Variants in GOLGA5 observed in about 807,000 individuals in gnomAD.
GOLGA5 encodes the protein golgin subfamily A member 5.
In GOLGA5, 50 loss-of-function variants were observed where a neutral mutation model predicts 93.5. That is an observed-to-expected ratio of 0.53 (90% CI 0.43 to 0.68). The LOEUF is 0.68. GOLGA5 is among the 30% of genes least tolerant of loss of function. GOLGA5 has a pLI of 0.00. For missense variants in GOLGA5, 760 were observed against 856.4 expected (o/e 0.89, Z 1.40); for synonymous variants, 312 against 304.5 (o/e 1.02, Z -0.26).
Position 92,835,664 on chromosome 14 carries a change from G to C in GOLGA5, c.2051G>C (p.Ser684Thr). The change falls in exon 11 of 13, where the codon AGT becomes ACT. Residue 684 changes from serine (S) to threonine (T), a missense_variant and splice_region_variant. Ser to Thr is a moderately conservative substitution (Grantham distance 58). Transcript: ENST00000163416. ...RKAASSIDQF[S>T]IRLGIFLRRY... ...GCTGCTAGTTCAATTGATCAGTTTAGGTAAGCAATGCCAGTAGGGATGAGT... is the reference window on the plus strand; with the variant it reads ...GCTGCTAGTTCAATTGATCAGTTTACGTAAGCAATGCCAGTAGGGATGAGT... The C allele has an allele frequency of 4.4e-6, 7 of 1,577,442 alleles. No individual in the cohort carries two copies. The highest frequency in any genetic ancestry group is 6.1e-6 in the Non-Finnish European group (7 of 1,146,788).
chr14:92,828,567 T>C (rs1394434664), intron 9 of GOLGA5, among the ~76,000 whole-genome samples: 2 of 152,222 alleles, frequency 1.3e-5, no homozygotes, highest in African/African-American at 4.8e-5. Context: ...TTTTGTTTCA[T>C]CCATTGTTTA....
At chr14:92,826,959 A>G (rs1447381234) in intron 9 of GOLGA5, among the ~76,000 whole-genome samples, 1 of 152,202 alleles carries the variant, frequency 6.6e-6, no homozygotes. Context: ...ATTGCTATTC[A>G]TAAAAATTAA....
At chr14:92,820,817 A>T (rs9323881) in intron 8 of GOLGA5, among the ~76,000 whole-genome samples, 2,361 of 152,302 alleles carry the variant, frequency 0.016, 54 homozygotes, top group African/African-American at 0.05. Flanking sequence ...TTGATTCCAT[A>T]CAACACATGT....
chr14:92,834,570 C>T lies in GOLGA5; in HGVS notation c.1946-989C>T, dbSNP rs866651323. ...GCAGGCACAAAGGCCTTGAGGCAGG[C>T]ATGTTCCTGGCATATTTCAGGAACA... On this transcript the variant is annotated intron_variant, in intron 10 of 12. Coordinates refer to ENST00000163416, the MANE Select transcript of GOLGA5 (RefSeq NM_005113.4). 5.3e-5 allele frequency among the ~76,000 whole-genome samples: 8 copies of T among 152,350 alleles called. No individual in the cohort carries two copies. In the South Asian group the frequency reaches 1.7e-3, roughly 32 times the overall value.
intron 2 of GOLGA5, among the ~76,000 whole-genome samples, chr14:92,800,059 A>G (rs1157901176): frequency 2.6e-5 from 4 of 152,238 alleles, no homozygotes; most frequent in African/African-American, 9.6e-5. Context: ...GGTTGTGAAA[A>G]TAGGATCAGG....
At chr14:92,812,056 T>G (rs1885114427) in intron 6 of GOLGA5, among the ~76,000 whole-genome samples, 2 of 152,216 alleles carry the variant, frequency 1.3e-5, no homozygotes, top group South Asian at 4.1e-4. Flanking sequence ...CTTGTTGATC[T>G]CCTATTGAAT....
intron 9 of GOLGA5, among the ~76,000 whole-genome samples, chr14:92,826,369 T>G (rs1885422341): frequency 6.6e-6 from 1 of 152,158 alleles, no homozygotes. Flanking sequence ...GCTTATTATT[T>G]TTGGGCTTTC....
chr14:92,797,619 C>A lies in GOLGA5; in HGVS notation c.182C>A (p.Thr61Lys), dbSNP rs111348610. 1.7e-5 allele frequency: 27 copies of A among 1,612,884 alleles called. No individual in the cohort carries two copies. Among genetic ancestry groups the A allele is most frequent in the African/African-American group, 1.1e-4 (8 of 75,020 alleles). ...ATATATCAGACTGGACCTAAATCTA[C>A]GTATATTTCATCAGCAGCTGATAAC... Reference protein sequence around the residue: ...DLIYQTGPKSTYISSAADNIR... With the variant: ...DLIYQTGPKSKYISSAADNIR... Residue 61 changes from threonine (T) to lysine (K), a missense_variant, in exon 2 of 13, where the codon ACG becomes AAG. Thr to Lys is a moderately conservative substitution (Grantham distance 78). Coordinates refer to ENST00000163416, the MANE Select transcript of GOLGA5 (RefSeq NM_005113.4).
At chr14:92,804,236 A>T (rs1490355784) in intron 2 of GOLGA5, among the ~76,000 whole-genome samples, 1 of 151,864 alleles carries the variant, frequency 6.6e-6, no homozygotes, top group Non-Finnish European at 1.5e-5. Flanking sequence ...TATATTATTT[A>T]AAAATTTTTT....
intron 1 of GOLGA5, among the ~76,000 whole-genome samples, chr14:92,796,615 G>A (rs1462959707): frequency 6.6e-6 from 1 of 152,028 alleles, no homozygotes; most frequent in Non-Finnish European, 1.5e-5. Context: ...CTGGGGGTTA[G>A]GACTTAAATA....
chr14:92,805,956 GAC>G (rs1193915319), intron 2 of GOLGA5, among the ~76,000 whole-genome samples: 1 of 139,888 alleles, frequency 7.1e-6, no homozygotes, highest in Admixed American at 7.4e-5. Flanking sequence ...CTTTGGGTAA[GAC>G]ATGTTAGATT....
At chr14:92,824,114 A>G (rs8018703) in intron 8 of GOLGA5, among the ~76,000 whole-genome samples, 18,088 of 152,104 alleles carry the variant, frequency 0.12, 1,462 homozygotes, top group Middle Eastern at 0.18. Context: ...GCCTATTTTT[A>G]AAATGTTCCT....
intron 2 of GOLGA5, 52 bp downstream of exon 2, chr14:92,798,033 C>A: frequency 8.7e-7 from 1 of 1,144,062 alleles, no homozygotes; most frequent in South Asian, 1.5e-5. Context: ...TTGAATGTGT[C>A]ATCATATGAT....
rs150641129 is a variant in GOLGA5, at chr14:92,806,931, C to T, written c.740C>T (p.Ser247Leu). Residue 247 changes from serine to leucine, a missense_variant, in exon 3 of 13, where the codon TCG (serine) becomes TTG (leucine). Physicochemically the swap from Ser to Leu is moderately radical, Grantham distance 145. Coordinates refer to ENST00000163416, the MANE Select transcript of GOLGA5 (RefSeq NM_005113.4). ...EVQSLNQEMA[S>L]LLQRSKETQE... is the part of the protein sequence containing the mutation. ...CAGTCTTTAAATCAAGAAATGGCCT[C>T]GTTACTCCAAAGATCCAAAGAGACT... 2.6e-5 allele frequency: 42 copies of T among 1,609,344 alleles called. No individual in the cohort carries two copies. In the South Asian group the frequency reaches 2.6e-4, roughly 10 times the overall value.
chr14:92,831,036 G>A (rs1885520833), intron 9 of GOLGA5, among the ~76,000 whole-genome samples: 1 of 152,186 alleles, frequency 6.6e-6, no homozygotes, highest in African/African-American at 2.4e-5. Flanking sequence ...AAATAAGCAT[G>A]TGAATAGGTG....
chr14:92,818,503 C>G (rs1885253197), intron 7 of GOLGA5, among the ~76,000 whole-genome samples: 1 of 152,202 alleles, frequency 6.6e-6, no homozygotes, highest in African/African-American at 2.4e-5. Context: ...GCCTGCCTCT[C>G]AAGAATTTGC....
intron 6 of GOLGA5, among the ~76,000 whole-genome samples, chr14:92,815,542 A>G (rs950193350): frequency 6.6e-6 from 1 of 152,100 alleles, no homozygotes; most frequent in African/African-American, 2.4e-5. Flanking sequence ...AAAATGTGAG[A>G]AAAGTCTTGT....
In GOLGA5 at chr14:92,795,752, A is replaced by C. The variant is rs144036053; in HGVS notation, c.-31+1296A>C. Among the ~76,000 whole-genome samples, 15 of 152,346 alleles carry C rather than the reference A, an allele frequency of 9.8e-5. No homozygotes were observed. In the East Asian group the frequency reaches 2.7e-3, roughly 27 times the overall value. On this transcript the variant is annotated intron_variant, in intron 1 of 12. Coordinates refer to ENST00000163416, the MANE Select transcript of GOLGA5 (RefSeq NM_005113.4). ...TGTTAAAAAAATACGTAATTATAAA[A>C]CATGAAGGACTGTGAAGCAAAAGAA...
chr14:92,817,130 G>T (rs1369828753), intron 7 of GOLGA5, among the ~76,000 whole-genome samples: 3 of 151,810 alleles, frequency 2.0e-5, no homozygotes, highest in African/African-American at 7.3e-5. Flanking sequence ...TAGTAGAGAT[G>T]GGGTTTCACC....
Sources: allele counts gnomAD v4.1 joint callset (sites outside exome capture counted in the v4.1 genomes callset), GRCh38; gene constraint gnomAD v4.1.1; transcripts MANE v1.5; gene names NCBI Gene and HGNC (gene_info 2026-07-23, HGNC 2026-07-21).